The following TMEM266 variants were observed in gnomAD, a reference collection of about 807,000 sequenced individuals.
TMEM266 encodes Hv1 related protein 1.
In TMEM266, 33 loss-of-function variants were observed where a neutral mutation model predicts 50.5. That is an observed-to-expected ratio of 0.65 (90% CI 0.50 to 0.87). The LOEUF (loss-of-function observed/expected upper bound fraction) is 0.87, where lower values mean the gene tolerates loss of function less well. TMEM266 is among the 40% of genes least tolerant of loss of function. TMEM266 has a pLI of 0.00. For synonymous variants in TMEM266, 310 were observed against 292.3 expected, an observed-to-expected ratio of 1.06 and a Z score of -0.62; for missense variants, 655 against 695.1, an observed-to-expected ratio of 0.94 and a Z score of 0.65.
At chr15:76,173,942 T>A (rs200544738) in intron 7 of TMEM266, among the ~76,000 whole-genome samples, 1,550 of 121,582 alleles carry the variant, frequency 0.013, 5 homozygotes, top group Middle Eastern at 0.029. Flanking sequence ...CAAAAAAAAA[T>A]AAAAAAAAAA....
At chr15:76,167,213 G>A (rs1399119755) in intron 5 of TMEM266, among the ~76,000 whole-genome samples, 3 of 152,182 alleles carry the variant, frequency 2.0e-5, no homozygotes, top group Non-Finnish European at 2.9e-5. Context: ...GCTCATGCCT[G>A]TAATCCCAGC....
intron 1 of TMEM266, chr15:76,112,934 C>T (rs965321185): frequency 6.6e-6 from 1 of 152,220 alleles, no homozygotes; most frequent in Non-Finnish European, 1.5e-5. Context: ...AGCCCCTCCC[C>T]ACTGGCCTCA....
chr15:76,156,299 G>C (rs1482997290), intron 3 of TMEM266, among the ~76,000 whole-genome samples: 2 of 152,166 alleles, frequency 1.3e-5, no homozygotes, highest in Non-Finnish European at 2.9e-5. Context: ...GACAGAGGTT[G>C]CAGTGAGCTG....
intron 9 of TMEM266, among the ~76,000 whole-genome samples, chr15:76,197,633 T>C (rs2038674780): frequency 6.6e-6 from 1 of 152,218 alleles, no homozygotes; most frequent in Admixed American, 6.5e-5. Flanking sequence ...TCAGTGAATA[T>C]TAGTGCCCTC....
chr15:76,145,065 A>T (rs75742828), intron 3 of TMEM266, among the ~76,000 whole-genome samples: 2,208 of 152,306 alleles, frequency 0.014, 51 homozygotes, highest in African/African-American at 0.049. Flanking sequence ...TGCAGGTACC[A>T]TGGAGTCCAG....
chr15:76,094,129 A>G (rs1003497115), intron 1 of TMEM266, among the ~76,000 whole-genome samples: 22 of 151,858 alleles, frequency 1.4e-4, no homozygotes, highest in African/African-American at 5.3e-4. Context: ...ATTTGATCCC[A>G]TTTGTCAATT....
In TMEM266 at chr15:76,175,693, C is replaced by T. The variant is rs765214179; in HGVS notation, c.768+19C>T. 1.8e-5 allele frequency: 28 copies of T among 1,597,886 alleles called. No individual in the cohort carries two copies. The highest frequency in any genetic ancestry group is 1.6e-4 in the African/African-American group (12 of 74,640). On this transcript the variant is annotated intron_variant, in intron 8 of 10. Transcript: ENST00000388942. ...GCAAGGGGTAATGCACTGCCACTTT[C>T]GGCTCTGTCCGTGGTCTTGCTGGGG... is the stretch of plus-strand genomic sequence containing the variant.
intron 1 of TMEM266, among the ~76,000 whole-genome samples, chr15:76,132,813 AATTATTATTATTATT>A (rs58869632): frequency 8.4e-4 from 113 of 135,016 alleles, no homozygotes; most frequent in African/African-American, 1.9e-3. Context: ...TAATAATAGT[AATTATTATTATTATT>A]ATTATTATTA....
intron 3 of TMEM266, among the ~76,000 whole-genome samples, chr15:76,143,440 C>T (rs1287522901): frequency 6.6e-6 from 1 of 152,200 alleles, no homozygotes; most frequent in East Asian, 1.9e-4. Flanking sequence ...CTTTGTCCAG[C>T]ATTTGAAACT....
intron 1 of TMEM266, among the ~76,000 whole-genome samples, chr15:76,067,099 G>A (rs1055921578): frequency 2.4e-4 from 36 of 152,266 alleles, no homozygotes; most frequent in African/African-American, 8.7e-4. Context: ...AGAAAACTCA[G>A]CATCTTTCTA....
intron 8 of TMEM266, among the ~76,000 whole-genome samples, chr15:76,188,223 T>C (rs1297243002): frequency 6.6e-6 from 1 of 152,170 alleles, no homozygotes; most frequent in African/African-American, 2.4e-5. Flanking sequence ...AGAGGTTTAA[T>C]TGAGTCACAG....
At chr15:76,164,060 C>T (rs1407083566) in intron 5 of TMEM266, among the ~76,000 whole-genome samples, 5 of 152,176 alleles carry the variant, frequency 3.3e-5, no homozygotes, top group Non-Finnish European at 2.9e-5. Context: ...CCTATACGGC[C>T]GCCCTGCCAG....
chr15:76,146,331 C>T (rs1015602909), intron 3 of TMEM266, among the ~76,000 whole-genome samples: 1 of 152,070 alleles, frequency 6.6e-6, no homozygotes, highest in Non-Finnish European at 1.5e-5. Flanking sequence ...GTGGGATAGT[C>T]TTTGTCAAAA....
intron 7 of TMEM266, among the ~76,000 whole-genome samples, chr15:76,173,947 A>G (rs541592127): frequency 1.3e-4 from 19 of 151,864 alleles, no homozygotes; most frequent in Non-Finnish European, 2.2e-4. Context: ...AAAAATAAAA[A>G]AAAAAAAAAG....
At chr15:76,185,218 C>G (rs1163518561) in intron 8 of TMEM266, among the ~76,000 whole-genome samples, 2 of 152,180 alleles carry the variant, frequency 1.3e-5, no homozygotes, top group Non-Finnish European at 2.9e-5. Context: ...GCACCTGTCT[C>G]ATTCGTCTCC....
At chr15:76,083,357 C>T (rs552617250) in intron 1 of TMEM266, among the ~76,000 whole-genome samples, 5 of 151,728 alleles carry the variant, frequency 3.3e-5, no homozygotes, top group Admixed American at 2.6e-4. Context: ...TCCTTGGTCT[C>T]GAGCAAGGTA....
At chr15:76,173,380 G>T (rs942908703) in intron 7 of TMEM266, among the ~76,000 whole-genome samples, 2 of 152,120 alleles carry the variant, frequency 1.3e-5, no homozygotes, top group Non-Finnish European at 2.9e-5. Context: ...AGGGGTGCGG[G>T]AACAGTGTGA....
intron 1 of TMEM266, among the ~76,000 whole-genome samples, chr15:76,075,777 G>A (rs1410654911): frequency 6.8e-6 from 1 of 146,348 alleles, no homozygotes; most frequent in Non-Finnish European, 1.5e-5. Context: ...TTAAATTGGG[G>A]CTGTATTTTA....
At position 76,153,152 on chromosome 15, in the gene TMEM266, A is replaced by G. The variant is rs1051019970; in HGVS notation, c.228-3452A>G. Among the ~76,000 whole-genome samples, 3 of 152,176 alleles carry G rather than the reference A, an allele frequency of 2.0e-5. No individual in the cohort carries two copies. Among genetic ancestry groups the G allele is most frequent in the African/African-American group, 7.2e-5 (3 of 41,448 alleles). On this transcript the variant is annotated intron_variant, in intron 3 of 10. Coordinates refer to ENST00000388942, the MANE Select transcript of TMEM266 (RefSeq NM_152335.3). This position sits in a 1 kb window ranked among gnomAD's most constrained non-coding sequence, Gnocchi z 4.2. ...TCTCTAACAAAAAAAAAAAGAAGAA[A>G]AAAACGACATTTTAAACAGCAATAT...
Sources: allele counts gnomAD v4.1 joint callset (sites outside exome capture counted in the v4.1 genomes callset), GRCh38; gene constraint gnomAD v4.1.1; non-coding constraint Gnocchi (gnomAD v3.1); transcripts MANE v1.5; gene names NCBI Gene and HGNC (gene_info 2026-07-23, HGNC 2026-07-21).